DOP1A: variants seen among roughly 807,000 people sequenced by gnomAD.
The protein encoded by DOP1A is protein DOP1A.
In DOP1A, 90 loss-of-function variants were observed where a neutral mutation model predicts 267.6. That is an observed-to-expected ratio of 0.34 (90% CI 0.28 to 0.40). DOP1A has a LOEUF of 0.40. DOP1A is among the 10% of genes least tolerant of loss of function. DOP1A has a pLI of 1.00. For synonymous variants in DOP1A, 932 were observed against 999.1 expected (o/e 0.93, Z 1.27); for missense variants, 2,437 against 2,900.4 (o/e 0.84, Z 3.67).
chr6:83,101,306 G>A (rs1447246148), intron 4 of DOP1A, among the ~76,000 whole-genome samples: 9 of 152,126 alleles, frequency 5.9e-5, no homozygotes, highest in Admixed American at 2.0e-4. Context: ...ATAAGCCACC[G>A]CGCCTGGCCT....
intron 29 of DOP1A, 126 bp downstream of exon 29, chr6:83,152,153 T>A: frequency 1.9e-6 from 2 of 1,070,314 alleles, no homozygotes; most frequent in Non-Finnish European, 2.7e-6. Context: ...AGTAACTTTT[T>A]TTCAGTGGGA....
chr6:83,087,921 G>A lies in DOP1A; in HGVS notation c.-146-8810G>A, dbSNP rs532219731. On this transcript the variant is annotated intron_variant, in intron 1 of 38. Coordinates refer to ENST00000349129, the MANE Select transcript of DOP1A (RefSeq NM_015018.4). ...AAGTCTTGCTTTGTTGCCCGGGCTG[G>A]AGTGCAGTGGCGCGATCTCAGCTCA... Among the ~76,000 whole-genome samples the A allele has an allele frequency of 2.4e-3, 361 of 152,254 alleles. 3 individuals carry two copies. The highest frequency in any genetic ancestry group is 3.8e-3 in the Non-Finnish European group (256 of 68,016).
chr6:83,114,926 C>T (rs1214409442), intron 7 of DOP1A, among the ~76,000 whole-genome samples: 1 of 152,138 alleles, frequency 6.6e-6, no homozygotes, highest in Non-Finnish European at 1.5e-5. Context: ...ATAGTTCTCC[C>T]TATTACTGTA....
At chr6:83,159,714 T>C (rs59285083) in intron 36 of DOP1A, 82 bp from the exon 37 acceptor site, 64 of 1,477,426 alleles carry the variant, frequency 4.3e-5, no homozygotes, top group Non-Finnish European at 5.5e-5. Context: ...ATGAAAAATA[T>C]TAGCTGGTAC....
At chr6:83,109,693 A>C (rs1483476987) in intron 5 of DOP1A, among the ~76,000 whole-genome samples, 1 of 152,144 alleles carries the variant, frequency 6.6e-6, no homozygotes, top group Non-Finnish European at 1.5e-5. Flanking sequence ...ATTTTCGGGG[A>C]GTTAATATTT....
chr6:83,163,022 G>A, intron 38 of DOP1A, 103 bp downstream of exon 38: 1 of 1,332,500 alleles, frequency 7.5e-7, no homozygotes, highest in South Asian at 1.8e-5. Context: ...TTATCAAGTT[G>A]AGCTATTTTG....
intron 1 of DOP1A, among the ~76,000 whole-genome samples, chr6:83,068,439 C>T (rs1007269759): frequency 6.6e-6 from 1 of 152,154 alleles, no homozygotes; most frequent in African/African-American, 2.4e-5. Context: ...CGGGGAATGG[C>T]ACACAACTAT....
chr6:83,138,181 G>A lies in DOP1A; in HGVS notation c.4139G>A (p.Arg1380Lys). Residue 1380 changes from arginine (R) to lysine (K), a missense_variant, in exon 21 of 39, where the codon AGG becomes AAG. Coordinates refer to ENST00000349129, the MANE Select transcript of DOP1A (RefSeq NM_015018.4). ...TATCTCCAGTTGTATGATTCATCCA[G>A]GACTTTGTATGCTTTCTCTGCCATC... Reference protein sequence around the residue: ...LLYLQLYDSSRTLYAFSAIKA... With the variant: ...LLYLQLYDSSKTLYAFSAIKA... The A allele has an allele frequency of 3.7e-6, 6 of 1,613,872 alleles. No homozygotes were observed. Among genetic ancestry groups the A allele is most frequent in the Non-Finnish European group, 5.1e-6 (6 of 1,179,900 alleles).
In DOP1A at chr6:83,147,256, C is replaced by A; in HGVS notation, c.5697C>A (p.Val1899=). The change falls in exon 26 of 39, where the codon GTC becomes GTA. Residue 1899 remains valine (V), a synonymous_variant. Coordinates refer to ENST00000349129, the MANE Select transcript of DOP1A (RefSeq NM_015018.4). ...AKDKKHLSLE[V]CMLQFFYAYI... ...TATAGAAACATCTTTCTTTGGAAGT[C>A]TGCATGCTTCAGTTTTTCTATGCTT... 1 of 1,494,558 alleles carries A rather than the reference C, an allele frequency of 6.7e-7. No homozygotes were observed. The highest frequency in any genetic ancestry group is 9.2e-7 in the Non-Finnish European group (1 of 1,091,474). 92.6% of individuals were successfully genotyped at this position (1,494,558 alleles called of 1,614,324 possible). A position where few individuals can be genotyped will look rare whatever the true frequency, so the allele number is the denominator to read the frequency against.
In DOP1A at chr6:83,129,258, C is replaced by T; in HGVS notation, c.2091C>T (p.Asn697=). 1 of 1,612,932 alleles carries T rather than the reference C, an allele frequency of 6.2e-7. No homozygotes were observed. The highest frequency in any genetic ancestry group is 1.1e-5 in the South Asian group (1 of 90,782). ...TCAACCTCTACATCATTCAGAATAA[C>T]TCTTTTTCTCAGTCTTTGGCTACAG... The part of the protein sequence containing the change: ...RLINLYIIQN[N]SFSQSLATEH... The change falls in exon 16 of 39, where the codon AAC becomes AAT. Residue 697 remains asparagine (N), a synonymous_variant. Transcript: ENST00000349129.
intron 25 of DOP1A, 114 bp downstream of exon 25, chr6:83,145,772 A>T: frequency 1.1e-6 from 1 of 952,266 alleles, no homozygotes; most frequent in Non-Finnish European, 1.5e-6. Context: ...TGCAGAGATG[A>T]CTGCATGTGG....
chr6:83,158,156 AC>A (rs1783265157), intron 35 of DOP1A, among the ~76,000 whole-genome samples: 1 of 151,502 alleles, frequency 6.6e-6, no homozygotes, highest in Non-Finnish European at 1.5e-5. Context: ...CTGCCACCAC[AC>A]CCAGCTAATT....
chr6:83,073,033 A>T (rs1314867086), intron 1 of DOP1A: 2 of 340,670 alleles, frequency 5.9e-6, no homozygotes, highest in Non-Finnish European at 5.8e-6. Flanking sequence ...TGTTTGAATG[A>T]CTTCCATATT....
At chr6:83,119,232 C>G (rs927159155) in intron 8 of DOP1A, among the ~76,000 whole-genome samples, 5 of 152,022 alleles carry the variant, frequency 3.3e-5, no homozygotes, top group African/African-American at 1.2e-4. Context: ...GATGTTTTTC[C>G]CCTTACAAAT....
chr6:83,096,865 A>T, intron 2 of DOP1A, 42 bp downstream of exon 2: 1 of 1,259,552 alleles, frequency 7.9e-7, no homozygotes, highest in South Asian at 1.5e-5. Flanking sequence ...TTGTAGTAAG[A>T]TCATATGAAC....
At chr6:83,073,335 G>T (rs923115616) in intron 1 of DOP1A, among the ~76,000 whole-genome samples, 1 of 151,998 alleles carries the variant, frequency 6.6e-6, no homozygotes, top group African/African-American at 2.4e-5. Flanking sequence ...TGATCTGCCC[G>T]CCTTGGCCTC....
At chr6:83,135,585 G>C (rs750204536) in intron 19 of DOP1A, 34 bp from the exon 20 acceptor site, 183 of 1,583,776 alleles carry the variant, frequency 1.2e-4, no homozygotes, top group Non-Finnish European at 1.5e-4. Context: ...GTAGATGTTT[G>C]GTTCTTTATT....
chr6:83,158,599 C>T lies in DOP1A; in HGVS notation c.6774C>T (p.Leu2258=), dbSNP rs1335917041. The part of the protein sequence containing the change: ...VQVFLLMEQE[L]TADEDISRTS... Reference sequence around the variant, plus strand: ...TATTTTTACTGATGGAGCAGGAACTCACTGCTGATGAAGATATTTCACGGT... The same window carrying T: ...TATTTTTACTGATGGAGCAGGAACTTACTGCTGATGAAGATATTTCACGGT... The change falls in exon 36 of 39, where the codon CTC becomes CTT. Residue 2258 remains leucine, a synonymous_variant. Coordinates refer to ENST00000349129, the MANE Select transcript of DOP1A (RefSeq NM_015018.4). The T allele has an allele frequency of 6.2e-7, 1 of 1,607,694 alleles. No individual in the cohort carries two copies. Among genetic ancestry groups the T allele is most frequent in the Non-Finnish European group, 8.5e-7 (1 of 1,176,256 alleles).
chr6:83,118,835 A>T, intron 7 of DOP1A, 53 bp from the exon 8 acceptor site: 1 of 1,503,042 alleles, frequency 6.7e-7, no homozygotes, highest in Non-Finnish European at 9.1e-7. Flanking sequence ...AAGAGGAAAA[A>T]AATAATATAT....
Sources: gnomAD v4.1 joint callset for allele counts (sites outside exome capture counted in the v4.1 genomes callset) on GRCh38, gnomAD v4.1.1 for gene constraint, MANE v1.5 for transcripts, NCBI Gene and HGNC (gene_info 2026-07-23, HGNC 2026-07-21) for gene names.